Variants in SLC45A2 observed in about 807,000 individuals in gnomAD.
SLC45A2 encodes solute carrier family 45 member 2.
Under a neutral mutation model 45.5 loss-of-function variants are expected in SLC45A2, and 36 were observed. The observed-to-expected ratio is 0.79, with a 90% confidence interval of 0.61 to 1.04. SLC45A2 has a LOEUF of 1.04. SLC45A2 is among the 50% of genes least tolerant of loss of function. The pLI, the probability that SLC45A2 is intolerant of heterozygous loss-of-function variation, is 0.00. For synonymous variants in SLC45A2, 306 were observed against 269.3 expected, an observed-to-expected ratio of 1.14 and a Z score of -1.33; for missense variants, 719 against 671.0, an observed-to-expected ratio of 1.07 and a Z score of -0.79.
intron 3 of SLC45A2, among the ~76,000 whole-genome samples, chr5:33,962,178 T>C (rs1207798644): frequency 6.6e-6 from 1 of 152,258 alleles, no homozygotes; most frequent in Admixed American, 6.5e-5. Context: ...TGTTCTATCA[T>C]GGATTATGAG....
intron 4 of SLC45A2, among the ~76,000 whole-genome samples, chr5:33,952,376 T>C (rs542126771): frequency 2.7e-5 from 4 of 150,778 alleles, no homozygotes; most frequent in African/African-American, 9.9e-5. Context: ...TTTTTTTTTG[T>C]AGTTTCAGCA....
Position 33,961,284 on chromosome 5 carries a change from T to A in SLC45A2, c.888+2407A>T, listed in dbSNP as rs140766702. ...AAAAAAGCTAACATCAAGGAGTCCT[T>A]TGCCCCACTAGTTTTGATGGACCTC... On this transcript the variant is annotated intron_variant, in intron 3 of 6. Transcript: ENST00000296589. Among the ~76,000 whole-genome samples, 198 of 152,292 alleles carry A rather than the reference T, an allele frequency of 1.3e-3. No homozygotes were observed. The Middle Eastern group carries it at 0.014, about 10-fold the overall frequency.
Position 33,950,289 on chromosome 5 carries a change from C to T in SLC45A2, c.1156+1265G>A, listed in dbSNP as rs558164350. Among the ~76,000 whole-genome samples the T allele has an allele frequency of 2.0e-5, 3 of 152,182 alleles. No homozygotes were observed. In the South Asian group the frequency reaches 6.2e-4, roughly 32 times the overall value. ...ACTTAAGCTGGATAATTTACTAGAC[C>T]CTTTTAGTCTAACATTCTTTTATTC... On this transcript the variant is annotated intron_variant, in intron 5 of 6. Transcript: ENST00000296589.
chr5:33,981,909 T>C (rs1274141548), intron 2 of SLC45A2, among the ~76,000 whole-genome samples: 1 of 152,244 alleles, frequency 6.6e-6, no homozygotes, highest in Non-Finnish European at 1.5e-5. Context: ...CTAAGGAATG[T>C]GGATGCTACA....
At position 33,982,399 on chromosome 5, in the gene SLC45A2, G is replaced by C. The variant is rs776695707; in HGVS notation, c.399C>G (p.Asn133Lys). The C allele has an allele frequency of 6.2e-7, 1 of 1,613,942 alleles. No individual in the cohort carries two copies. The highest frequency in any genetic ancestry group is 1.3e-5 in the African/African-American group (1 of 74,908). Residue 133 changes from asparagine (N) to lysine (K), a missense_variant, in exon 2 of 7, where the codon AAC (asparagine) becomes AAG (lysine). By Grantham distance (94) the Asn-to-Lys change is moderately conservative (BLOSUM62 0). Coordinates refer to ENST00000296589, the MANE Select transcript of SLC45A2 (RefSeq NM_016180.5). ...GATVVAALIA[N>K]PRRKLVWAIS... Reference sequence around the variant, plus strand: ...TGGCCCAAACCAGCTTCCTCCTTGGGTTAGCAATCAAAGCTAAAAGAAAAA... The same window carrying C: ...TGGCCCAAACCAGCTTCCTCCTTGGCTTAGCAATCAAAGCTAAAAGAAAAA...
rs139551409 is a variant in SLC45A2 at position 33,944,813 on chromosome 5, G to A, written c.1428C>T (p.Cys476=). The A allele has an allele frequency of 7.7e-5, 124 of 1,614,040 alleles. No homozygotes were observed. The highest frequency in any genetic ancestry group is 9.3e-5 in the Non-Finnish European group (110 of 1,180,018). The part of the protein sequence containing the change: ...DNSVRGKGMD[C]ATLTCMVQLA... ...GCTGCACCATGCATGTGAGGGTGGCGCAGTCCATGCCCTTCCCTCTCACGC... is the reference window on the plus strand; with the variant it reads ...GCTGCACCATGCATGTGAGGGTGGCACAGTCCATGCCCTTCCCTCTCACGC... Residue 476 remains cysteine, a synonymous_variant, in exon 7 of 7, where the codon TGC becomes TGT. Transcript: ENST00000296589.
intron 3 of SLC45A2, among the ~76,000 whole-genome samples, chr5:33,961,921 G>A (rs1752469826): frequency 6.6e-6 from 1 of 152,168 alleles, no homozygotes; most frequent in African/African-American, 2.4e-5. Context: ...CTCCCATTTG[G>A]CCTGAGTGAA....
intron 2 of SLC45A2, among the ~76,000 whole-genome samples, chr5:33,968,336 T>A (rs1161924248): frequency 6.6e-6 from 1 of 152,220 alleles, no homozygotes; most frequent in African/African-American, 2.4e-5. Context: ...AGACTGTATT[T>A]ACCTCTGCTG....
intron 4 of SLC45A2, among the ~76,000 whole-genome samples, chr5:33,953,979 G>A (rs1752193230): frequency 7.2e-6 from 1 of 139,138 alleles, no homozygotes; most frequent in Admixed American, 7.4e-5. Flanking sequence ...TTACATAATG[G>A]TAAAGGGATC....
intron 2 of SLC45A2, among the ~76,000 whole-genome samples, chr5:33,981,122 G>C (rs1258661244): frequency 6.6e-6 from 1 of 152,210 alleles, no homozygotes; most frequent in African/African-American, 2.4e-5. Context: ...CCATGTCTTA[G>C]GTGCCTTTAA....
At chr5:33,965,062 T>G (rs1752566070) in intron 2 of SLC45A2, among the ~76,000 whole-genome samples, 1 of 152,212 alleles carries the variant, frequency 6.6e-6, no homozygotes. Context: ...CCTGTCAAAA[T>G]TCTTTAAACG....
At chr5:33,950,980 CT>C (rs1752079884) in intron 5 of SLC45A2, among the ~76,000 whole-genome samples, 1 of 152,188 alleles carries the variant, frequency 6.6e-6, no homozygotes, top group African/African-American at 2.4e-5. Context: ...GCAGAAATCC[CT>C]TTGTTCAGTG....
At chr5:33,963,622 A>T (rs1411905778) in intron 3 of SLC45A2, 69 bp downstream of exon 3, 3 of 1,414,998 alleles carry the variant, frequency 2.1e-6, no homozygotes, top group East Asian at 4.8e-5. Context: ...ACAAACAATT[A>T]AAAAAACAAC....
intron 2 of SLC45A2, among the ~76,000 whole-genome samples, chr5:33,981,402 G>T (rs1579561849): frequency 6.6e-6 from 1 of 152,200 alleles, no homozygotes; most frequent in Admixed American, 6.5e-5. Flanking sequence ...GAAGGAGAGA[G>T]AATACATCAA....
At chr5:33,979,511 A>T (rs1318537693) in intron 2 of SLC45A2, among the ~76,000 whole-genome samples, 2 of 152,208 alleles carry the variant, frequency 1.3e-5, no homozygotes, top group African/African-American at 4.8e-5. Flanking sequence ...ATAACTGGAA[A>T]GGGAAGAGTG....
At position 33,970,896 on chromosome 5, in the gene SLC45A2, T is replaced by A. The variant is rs953896835; in HGVS notation, c.563-6880A>T. On this transcript the variant is annotated intron_variant, in intron 2 of 6. Transcript: ENST00000296589. ...CCCTAGAGATAAGATATTTCAGGAC[T>A]ACAGCAAGAAGCTGCCAGAGTGCAT... The A allele has an allele frequency of 1.0e-4, 37 of 369,042 alleles. No individual in the cohort carries two copies. In the Admixed American group the frequency reaches 1.3e-3, roughly 13 times the overall value. The allele number at this position is 369,042 out of a possible 1,614,324, so 22.9% of individuals were successfully genotyped here.
At chr5:33,976,144 C>T (rs1752923682) in intron 2 of SLC45A2, among the ~76,000 whole-genome samples, 1 of 152,172 alleles carries the variant, frequency 6.6e-6, no homozygotes, top group African/African-American at 2.4e-5. Context: ...TTGCAAACAA[C>T]CCCTTCCTAA....
intron 1 of SLC45A2, among the ~76,000 whole-genome samples, chr5:33,983,988 T>G (rs1218186249): frequency 1.3e-5 from 2 of 152,178 alleles, no homozygotes; most frequent in Admixed American, 1.3e-4. Context: ...TTCACAACAA[T>G]GAAACATATT....
intron 2 of SLC45A2, among the ~76,000 whole-genome samples, chr5:33,966,180 G>A (rs563344558): frequency 1.3e-5 from 2 of 152,314 alleles, no homozygotes; most frequent in African/African-American, 4.8e-5. Flanking sequence ...ATAAGGATAT[G>A]CATATAATGA....
Sources: gnomAD v4.1 joint callset for allele counts (sites outside exome capture counted in the v4.1 genomes callset) on GRCh38, gnomAD v4.1.1 for gene constraint, MANE v1.5 for transcripts, NCBI Gene and HGNC (gene_info 2026-07-23, HGNC 2026-07-21) for gene names.